Variants in ROBO2 observed in about 807,000 individuals in gnomAD.
The protein encoded by ROBO2 is roundabout guidance receptor 2, also known as roundabout homolog 2.
ROBO2 carries 53 observed loss-of-function variants against 160.8 expected under a neutral mutation model. The ratio of observed to expected loss-of-function variants is 0.33; its 90% CI spans 0.26 to 0.41. The LOEUF is 0.41. Among genes scored for constraint, ROBO2 ranks in the 10% least tolerant of loss-of-function variants. The pLI, the probability that ROBO2 is intolerant of heterozygous loss-of-function variation, is 1.00. For missense variants in ROBO2, 1,577 were observed against 1,722.4 expected (o/e 0.92, Z 1.49); for synonymous variants, 664 against 611.7 (o/e 1.09, Z -1.26).
intron 2 of ROBO2, among the ~76,000 whole-genome samples, chr3:76,890,471 C>A (rs1467868954): frequency 6.6e-6 from 1 of 152,192 alleles, no homozygotes; most frequent in African/African-American, 2.4e-5. Flanking sequence ...TGTTCTACCT[C>A]TACCCCAAAC....
At chr3:76,263,492 G>A (rs1706900723) in intron 2 of ROBO2, among the ~76,000 whole-genome samples, 1 of 152,028 alleles carries the variant, frequency 6.6e-6, no homozygotes, top group Admixed American at 6.6e-5. Flanking sequence ...CAAAGTGCTG[G>A]GATTACAGGT....
intron 2 of ROBO2, among the ~76,000 whole-genome samples, chr3:75,972,820 A>T (rs1209758388): frequency 6.6e-6 from 1 of 151,582 alleles, no homozygotes; most frequent in East Asian, 2.0e-4. Flanking sequence ...ACTGCTGTGG[A>T]CAAACAACCT....
intron 2 of ROBO2, among the ~76,000 whole-genome samples, chr3:77,266,820 A>G (rs1411240479): frequency 6.6e-6 from 1 of 152,124 alleles, no homozygotes; most frequent in Non-Finnish European, 1.5e-5. Context: ...GCCTGACTCA[A>G]AGTAGGTATT....
chr3:76,777,258 A>G (rs1464778887), intron 2 of ROBO2, among the ~76,000 whole-genome samples: 1 of 151,136 alleles, frequency 6.6e-6, no homozygotes, highest in African/African-American at 2.4e-5. Flanking sequence ...TGATTGCACA[A>G]AGGAGTTGAA....
chr3:76,198,291 C>A (rs975049926), intron 2 of ROBO2, among the ~76,000 whole-genome samples: 1 of 151,986 alleles, frequency 6.6e-6, no homozygotes, highest in Non-Finnish European at 1.5e-5. Flanking sequence ...GGAGATCAGA[C>A]ATACCTCATC....
At chr3:75,966,333 T>G (rs1949114207) in intron 2 of ROBO2, among the ~76,000 whole-genome samples, 1 of 151,786 alleles carries the variant, frequency 6.6e-6, no homozygotes, top group East Asian at 2.0e-4. Flanking sequence ...TTGTGCATGG[T>G]TTCCCTATAC....
chr3:75,983,845 A>G (rs907017412), intron 2 of ROBO2, among the ~76,000 whole-genome samples: 28 of 151,478 alleles, frequency 1.8e-4, no homozygotes, highest in Non-Finnish European at 3.7e-4. Flanking sequence ...TCACTTGTCA[A>G]AAGTCTGGAA....
At chr3:76,146,479 A>G (rs1577047486) in intron 2 of ROBO2, among the ~76,000 whole-genome samples, 2 of 151,946 alleles carry the variant, frequency 1.3e-5, no homozygotes, top group East Asian at 2.0e-4. Context: ...TGTCTCTGCT[A>G]CTTCAAATCT....
At chr3:77,248,008 C>A (rs1275180141) in intron 2 of ROBO2, among the ~76,000 whole-genome samples, 1 of 152,078 alleles carries the variant, frequency 6.6e-6, no homozygotes, top group Non-Finnish European at 1.5e-5. Flanking sequence ...CCCCACCCCA[C>A]CCCCGTCCTG....
At chr3:76,000,322 G>A (rs1438343982) in intron 2 of ROBO2, among the ~76,000 whole-genome samples, 2 of 151,904 alleles carry the variant, frequency 1.3e-5, no homozygotes, top group Admixed American at 6.6e-5. Flanking sequence ...TAAGCACACG[G>A]GACCCATAAA....
chr3:76,822,608 A>T (rs546132105), intron 2 of ROBO2, among the ~76,000 whole-genome samples: 1 of 152,006 alleles, frequency 6.6e-6, no homozygotes. Flanking sequence ...TACAGAAAAT[A>T]ATTGAAAAAA....
At chr3:76,423,379 T>C (rs2076075899) in intron 2 of ROBO2, among the ~76,000 whole-genome samples, 2 of 152,120 alleles carry the variant, frequency 1.3e-5, no homozygotes, top group African/African-American at 4.8e-5. Context: ...CAGGATGTTC[T>C]TTGTCAAAGG....
At chr3:76,292,616 T>C (rs183010085) in intron 2 of ROBO2, among the ~76,000 whole-genome samples, 1 of 152,242 alleles carries the variant, frequency 6.6e-6, no homozygotes, top group African/African-American at 2.4e-5. Context: ...ACAATATAAG[T>C]GTGGTGTTTA....
At chr3:76,871,709 A>AT (rs2072109801) in intron 2 of ROBO2, among the ~76,000 whole-genome samples, 1 of 152,228 alleles carries the variant, frequency 6.6e-6, no homozygotes, top group Non-Finnish European at 1.5e-5. Flanking sequence ...GACACATGTC[A>AT]TGATTGTTAC....
At chr3:76,342,963 C>T (rs2074318832) in intron 2 of ROBO2, among the ~76,000 whole-genome samples, 1 of 151,976 alleles carries the variant, frequency 6.6e-6, no homozygotes, top group Non-Finnish European at 1.5e-5. Flanking sequence ...ATAGTTATAA[C>T]ATGTAAGTAG....
At chr3:77,153,042 C>T (rs1310078259) in intron 2 of ROBO2, among the ~76,000 whole-genome samples, 3 of 152,074 alleles carry the variant, frequency 2.0e-5, no homozygotes, top group Non-Finnish European at 4.4e-5. Flanking sequence ...CAGTCTGTCT[C>T]GTTTCACTTA....
At chr3:76,914,126 C>G (rs1245178430) in intron 2 of ROBO2, among the ~76,000 whole-genome samples, 2 of 152,048 alleles carry the variant, frequency 1.3e-5, no homozygotes, top group Admixed American at 6.6e-5. Flanking sequence ...GAATTTATAC[C>G]AAAGCATCTT....
chr3:77,384,554 A>G (rs2073901722), intron 2 of ROBO2, among the ~76,000 whole-genome samples: 1 of 152,194 alleles, frequency 6.6e-6, no homozygotes, highest in Non-Finnish European at 1.5e-5. Flanking sequence ...GTCTCCTATT[A>G]CTGAGAAGAT....
At chr3:77,346,462 T>G (rs2067652059) in intron 2 of ROBO2, among the ~76,000 whole-genome samples, 1 of 148,292 alleles carries the variant, frequency 6.7e-6, no homozygotes, top group South Asian at 2.1e-4. Context: ...GAAATAGGGT[T>G]TGTTTTAGTA....
Sources: gnomAD v4.1 joint callset for allele counts (sites outside exome capture counted in the v4.1 genomes callset) on GRCh38, gnomAD v4.1.1 for gene constraint, MANE v1.5 for transcripts, NCBI Gene and HGNC (gene_info 2026-07-23, HGNC 2026-07-21) for gene names.